ITGAE: variants seen among roughly 807,000 people sequenced by gnomAD.
ITGAE encodes the protein integrin alpha-E.
Under a neutral mutation model 136.5 loss-of-function variants are expected in ITGAE, and 99 were observed. The observed-to-expected ratio is 0.73, with a 90% CI of 0.62 to 0.86. The LOEUF is 0.86. Among genes scored for constraint, ITGAE ranks in the 40% least tolerant of loss-of-function variants. ITGAE has a pLI of 0.00. For synonymous variants in ITGAE, 613 were observed against 591.8 expected (o/e 1.04, Z -0.52); for missense variants, 1,447 against 1,515.3 (o/e 0.95, Z 0.75).
chr17:3,723,995 C>T (rs1429737856), intron 26 of ITGAE: 9 of 1,594,640 alleles, frequency 5.6e-6, no homozygotes, highest in Non-Finnish European at 5.1e-6. Context: ...GGGCTGCGGA[C>T]GGCAGGAGAC....
At chr17:3,788,529 G>A (rs1012908282) in intron 1 of ITGAE, among the ~76,000 whole-genome samples, 2 of 140,832 alleles carry the variant, frequency 1.4e-5, no homozygotes, top group African/African-American at 5.2e-5. Flanking sequence ...TGAACTCCTA[G>A]GTTCAGGTGA....
chr17:3,733,393 A>G (rs1308636961), intron 21 of ITGAE, among the ~76,000 whole-genome samples: 1 of 152,164 alleles, frequency 6.6e-6, no homozygotes, highest in Non-Finnish European at 1.5e-5. Context: ...ACTCACTGCA[A>G]TGAGGAAAAC....
intron 1 of ITGAE, among the ~76,000 whole-genome samples, chr17:3,797,477 T>C (rs1012615844): frequency 3.4e-5 from 5 of 147,222 alleles, no homozygotes; most frequent in African/African-American, 1.3e-4. Context: ...TTTTTTTTTT[T>C]TGAGACGGTG....
At chr17:3,800,612 G>A (rs1257485729) in intron 1 of ITGAE, among the ~76,000 whole-genome samples, 3 of 152,096 alleles carry the variant, frequency 2.0e-5, no homozygotes, top group Non-Finnish European at 2.9e-5. Flanking sequence ...TGACAACACA[G>A]GAAGCAGGCT....
At chr17:3,725,210 C>G (rs1390958245) in intron 26 of ITGAE, 1 of 1,614,214 alleles carries the variant, frequency 6.2e-7, no homozygotes, top group East Asian at 2.2e-5. Context: ...ACCGGCCTGT[C>G]ATGAACAGAA....
intron 16 of ITGAE, among the ~76,000 whole-genome samples, chr17:3,749,947 C>A (rs755133131): frequency 6.6e-6 from 1 of 152,064 alleles, no homozygotes; most frequent in East Asian, 1.9e-4. Flanking sequence ...ACCTGGGAGG[C>A]GGAGGTTGCA....
At chr17:3,752,577 G>A (rs1419700665) in intron 14 of ITGAE, among the ~76,000 whole-genome samples, 1 of 152,082 alleles carries the variant, frequency 6.6e-6, no homozygotes, top group Non-Finnish European at 1.5e-5. Flanking sequence ...TTAACATGGC[G>A]GAACCCCATC....
At chr17:3,733,999 CT>C (rs1423238688) in intron 21 of ITGAE, among the ~76,000 whole-genome samples, 1 of 152,212 alleles carries the variant, frequency 6.6e-6, no homozygotes, top group Non-Finnish European at 1.5e-5. Context: ...GTCAAAATGA[CT>C]TACACTCTCC....
At chr17:3,755,796 G>A in intron 11 of ITGAE, 34 bp downstream of exon 11, 1 of 1,560,354 alleles carries the variant, frequency 6.4e-7, no homozygotes, top group Non-Finnish European at 8.7e-7. Flanking sequence ...CTCACCAATG[G>A]GCAAGCCTGC....
At chr17:3,723,952 C>G (rs748021280) in intron 26 of ITGAE, 2 of 1,562,442 alleles carry the variant, frequency 1.3e-6, no homozygotes, top group Non-Finnish European at 1.7e-6. Context: ...GCTTCGCTCC[C>G]GGGACCTGGG....
intron 1 of ITGAE, among the ~76,000 whole-genome samples, chr17:3,780,618 A>C (rs1226585090): frequency 6.6e-6 from 1 of 151,788 alleles, no homozygotes; most frequent in African/African-American, 2.4e-5. Flanking sequence ...TTTTCAGTAG[A>C]GACGGAGTTT....
chr17:3,724,001 G>T, intron 26 of ITGAE: 1 of 1,595,024 alleles, frequency 6.3e-7, no homozygotes, highest in Non-Finnish European at 8.5e-7. Flanking sequence ...CGGACGGCAG[G>T]AGACAGCGGC....
chr17:3,764,119 G>A (rs2052238019), intron 2 of ITGAE, among the ~76,000 whole-genome samples, 159 bp from the exon 3 acceptor site: 1 of 152,132 alleles, frequency 6.6e-6, no homozygotes, highest in African/African-American at 2.4e-5. Context: ...GAAGACATTT[G>A]CCCAACCTCT....
At position 3,723,976 on chromosome 17, in the gene ITGAE, G is replaced by A. The variant is rs759266287; in HGVS notation, c.3085-232C>T. 5 of 1,577,964 alleles carry A rather than the reference G, an allele frequency of 3.2e-6. No homozygotes were observed. In the East Asian group the frequency reaches 1.1e-4, roughly 36 times the overall value. Reference sequence around the variant, plus strand: ...CCGGGACCTGGGAGCCGGCTTTTCCGCACATATGGGGCTGCGGACGGCAGG... The same window carrying A: ...CCGGGACCTGGGAGCCGGCTTTTCCACACATATGGGGCTGCGGACGGCAGG... On this transcript the variant is annotated intron_variant, in intron 26 of 30. Transcript: ENST00000263087.
At chr17:3,785,493 AAGG>A (rs1348390410) in intron 1 of ITGAE, among the ~76,000 whole-genome samples, 293 of 133,346 alleles carry the variant, frequency 2.2e-3, no homozygotes, top group Middle Eastern at 3.6e-3. Context: ...GGAAGGAAGG[AAGG>A]AGGAAGGAAG....
chr17:3,801,006 T>G (rs1000483120), intron 1 of ITGAE, 105 bp downstream of exon 1: 2 of 1,334,420 alleles, frequency 1.5e-6, no homozygotes, highest in South Asian at 1.2e-5. Context: ...CCTCTGGCTC[T>G]AACTGAGCCC....
At chr17:3,725,821 T>A (rs1423738950) in intron 26 of ITGAE, 2 of 1,612,392 alleles carry the variant, frequency 1.2e-6, no homozygotes, top group African/African-American at 2.7e-5. Context: ...AAGAGCATTC[T>A]ACACCAGCTC....
rs754535825 is a variant in ITGAE, at chr17:3,757,792, C to T, written c.934G>A (p.Asp312Asn). 10 of 1,614,024 alleles carry T rather than the reference C, an allele frequency of 6.2e-6. No homozygotes were observed. The highest frequency in any genetic ancestry group is 8.5e-6 in the Non-Finnish European group (10 of 1,180,040). ...KASKVMVVLTDGGIFEDPLNL... is the reference protein window; with the variant it reads ...KASKVMVVLTNGGIFEDPLNL... Reference sequence around the variant, plus strand: ...AGGGGGTCCTCGAATATGCCACCATCGGTGAGCACCACCATGACCTTGGAT... The same window carrying T: ...AGGGGGTCCTCGAATATGCCACCATTGGTGAGCACCACCATGACCTTGGAT... The change falls in exon 9 of 31, where the codon GAT becomes AAT. Residue 312 changes from aspartate to asparagine, a missense_variant. By Grantham distance (23) the Asp-to-Asn change is conservative. Around this residue, in one of 3 missense-constraint regions of ITGAE, gnomAD observed 310 missense variants for 416.1 expected, o/e 0.74. Transcript: ENST00000263087.
At chr17:3,727,893 A>T in intron 26 of ITGAE, 26 bp downstream of exon 26, 2 of 1,365,526 alleles carry the variant, frequency 1.5e-6, no homozygotes, top group Non-Finnish European at 2.1e-6. Flanking sequence ...AAGAGGTGTG[A>T]CTGATAAAGA....
Sources: allele counts gnomAD v4.1 joint callset (sites outside exome capture counted in the v4.1 genomes callset), GRCh38; gene constraint gnomAD v4.1.1; regional missense constraint gnomAD v4.1.1; transcripts MANE v1.5; gene names NCBI Gene and HGNC (gene_info 2026-07-23, HGNC 2026-07-21).